GLRB: variants seen among roughly 807,000 people sequenced by gnomAD.
The protein encoded by GLRB is glycine receptor subunit beta.
Under a neutral mutation model 54.2 loss-of-function variants are expected in GLRB, and 33 were observed. The ratio of observed to expected loss-of-function variants is 0.61; its 90% CI spans 0.46 to 0.81. The LOEUF (loss-of-function observed/expected upper bound fraction) is 0.81. Among genes scored for constraint, GLRB ranks in the 40% least tolerant of loss-of-function variants. GLRB has a pLI of 0.00. For missense variants in GLRB, 572 were observed against 584.6 expected (o/e 0.98, Z 0.22); for synonymous variants, 209 against 208.2 (o/e 1.00, Z -0.03).
chr4:157,099,919 T>C (rs928964926), intron 2 of GLRB, among the ~76,000 whole-genome samples: 4 of 152,202 alleles, frequency 2.6e-5, no homozygotes, highest in African/African-American at 7.2e-5. Flanking sequence ...ATTGATGTTA[T>C]TGAGCACCTT....
intron 9 of GLRB, among the ~76,000 whole-genome samples, chr4:157,159,440 C>G (rs1737377738): frequency 6.6e-6 from 1 of 152,094 alleles, no homozygotes; most frequent in Non-Finnish European, 1.5e-5. Flanking sequence ...CCAGTTTTTG[C>G]CCATTGAGTA....
intron 2 of GLRB, among the ~76,000 whole-genome samples, chr4:157,093,372 T>C (rs1385330356): frequency 6.6e-6 from 1 of 152,188 alleles, no homozygotes; most frequent in Non-Finnish European, 1.5e-5. Context: ...TTATTTCCTT[T>C]CCATGCTGTA....
chr4:157,085,650 C>G (rs1042664899), intron 2 of GLRB, among the ~76,000 whole-genome samples: 3 of 151,984 alleles, frequency 2.0e-5, no homozygotes, highest in Non-Finnish European at 4.4e-5. Context: ...GTGCGTGCCA[C>G]CACACCCTGC....
At chr4:157,099,937 G>A (rs1734956015) in intron 2 of GLRB, among the ~76,000 whole-genome samples, 1 of 152,094 alleles carries the variant, frequency 6.6e-6, no homozygotes, top group South Asian at 2.1e-4. Flanking sequence ...CTTTTCGCCT[G>A]TAAACTTATT....
At chr4:157,121,589 G>A (rs1339897512) in intron 3 of GLRB, among the ~76,000 whole-genome samples, 1 of 151,144 alleles carries the variant, frequency 6.6e-6, no homozygotes, top group East Asian at 2.0e-4. Context: ...TTCAACAACA[G>A]CCATGGTCTG....
intron 9 of GLRB, among the ~76,000 whole-genome samples, chr4:157,163,640 C>T (rs1023142329): frequency 3.9e-5 from 6 of 152,048 alleles, no homozygotes; most frequent in Admixed American, 1.3e-4. Flanking sequence ...GGCTAAACAT[C>T]GGAGGCTGTT....
intron 9 of GLRB, among the ~76,000 whole-genome samples, chr4:157,153,810 A>G (rs1326896280): frequency 6.6e-6 from 1 of 152,126 alleles, no homozygotes; most frequent in Non-Finnish European, 1.5e-5. Context: ...CAGAAGACCA[A>G]TAGGTCCATT....
At chr4:157,158,705 AC>A (rs2126615188) in intron 9 of GLRB, among the ~76,000 whole-genome samples, 1 of 152,298 alleles carries the variant, frequency 6.6e-6, no homozygotes, top group Admixed American at 6.5e-5. Context: ...CTGTTTTGGT[AC>A]CAGTACCATG....
At chr4:157,140,137 A>G (rs1736554529) in intron 7 of GLRB, among the ~76,000 whole-genome samples, 1 of 151,988 alleles carries the variant, frequency 6.6e-6, no homozygotes, top group South Asian at 2.1e-4. Flanking sequence ...CATTAGGAAA[A>G]CAGAGATAAT....
intron 4 of GLRB, among the ~76,000 whole-genome samples, chr4:157,127,986 T>C (rs554925364): frequency 5.3e-5 from 8 of 151,974 alleles, no homozygotes; most frequent in African/African-American, 1.7e-4. Context: ...TGTTAGTAAT[T>C]TTTTTCCTTC....
rs762044849 is a variant in GLRB, at chr4:157,152,750, T to A, written c.937T>A (p.Cys313Ser). The change falls in exon 9 of 10, where the codon TGC (cysteine) becomes AGC (serine). Residue 313 changes from cysteine (C) to serine (S), a missense_variant. Physicochemically the swap from Cys to Ser is moderately radical, Grantham distance 112. Coordinates refer to ENST00000264428, the MANE Select transcript of GLRB (RefSeq NM_000824.5). ...IFSVLSLASE[C>S]TTLAAELPKV... ...CTCAGTCCTCAGCTTGGCCTCTGAG[T>A]GCACAACCCTTGCCGCTGAGCTTCC... The A allele has an allele frequency of 9.3e-6, 15 of 1,613,646 alleles. No homozygotes were observed. Among genetic ancestry groups the A allele is most frequent in the Non-Finnish European group, 1.2e-5 (14 of 1,179,748 alleles).
chr4:157,083,855 C>T (rs1347557753), intron 2 of GLRB, among the ~76,000 whole-genome samples: 1 of 152,036 alleles, frequency 6.6e-6, no homozygotes, highest in African/African-American at 2.4e-5. Context: ...CCCAGAAAAA[C>T]TTTTCTCTTT....
chr4:157,105,314 CAT>C (rs1735182942), intron 2 of GLRB, among the ~76,000 whole-genome samples: 1 of 151,892 alleles, frequency 6.6e-6, no homozygotes, highest in Non-Finnish European at 1.5e-5. Context: ...TTAATTTCAA[CAT>C]GTGTCAACTT....
At chr4:157,121,725 A>C (rs1379592091) in intron 3 of GLRB, among the ~76,000 whole-genome samples, 1 of 151,700 alleles carries the variant, frequency 6.6e-6, no homozygotes, top group Non-Finnish European at 1.5e-5. Context: ...ATGAGATGAA[A>C]AAAAATAGAA....
At position 157,099,180 on chromosome 4, in the gene GLRB, G is replaced by A. The variant is rs141520817; in HGVS notation, c.122+21034G>A. ...AGGGGTCTTGTCTAGGTCATATGGG[G>A]CAGGGTAGTTATTTACAGTAAGGTG... On this transcript the variant is annotated intron_variant, in intron 2 of 9. Transcript: ENST00000264428. Among the ~76,000 whole-genome samples, 390 of 152,184 alleles carry A rather than the reference G, an allele frequency of 2.6e-3. 1 individual carries two copies. The highest frequency in any genetic ancestry group is 9.0e-3 in the African/African-American group (373 of 41,532).
chr4:157,158,210 C>A (rs567915041), intron 9 of GLRB, among the ~76,000 whole-genome samples: 1 of 151,806 alleles, frequency 6.6e-6, no homozygotes, highest in African/African-American at 2.4e-5. Context: ...TGTTTAAGTT[C>A]TTTGTAGATC....
chr4:157,141,199 C>T lies in GLRB; in HGVS notation c.751+2250C>T, dbSNP rs1736596727. Among the ~76,000 whole-genome samples, 4 of 151,860 alleles carry T rather than the reference C, an allele frequency of 2.6e-5. No individual in the cohort carries two copies. In the South Asian group the frequency reaches 8.3e-4, roughly 31 times the overall value. ...TGAGTCATAAATAATTCACTGAAAT[C>T]TCATTAGCTACAGAAAATAACAACA... On this transcript the variant is annotated intron_variant, in intron 7 of 9. Coordinates refer to ENST00000264428, the MANE Select transcript of GLRB (RefSeq NM_000824.5).
At chr4:157,114,389 G>A (rs1263708858) in intron 2 of GLRB, among the ~76,000 whole-genome samples, 2 of 150,550 alleles carry the variant, frequency 1.3e-5, no homozygotes, top group Admixed American at 6.6e-5. Context: ...GCTTTATAGA[G>A]TTATAGAAAA....
At chr4:157,134,765 A>G (rs1018237443) in intron 4 of GLRB, among the ~76,000 whole-genome samples, 4 of 152,140 alleles carry the variant, frequency 2.6e-5, no homozygotes, top group Admixed American at 2.0e-4. Context: ...GAGGTATATG[A>G]TAAGAAAAAT....
Sources: allele counts gnomAD v4.1 joint callset (sites outside exome capture counted in the v4.1 genomes callset), GRCh38; gene constraint gnomAD v4.1.1; transcripts MANE v1.5; gene names NCBI Gene and HGNC (gene_info 2026-07-23, HGNC 2026-07-21).